ACTN3: variants seen among roughly 807,000 people sequenced by gnomAD.
The protein encoded by ACTN3 is alpha-actinin-3.
ACTN3 carries 91 observed loss-of-function variants against 119.6 expected under a neutral mutation model. The observed-to-expected ratio is 0.76, with a 90% CI of 0.64 to 0.91. The LOEUF is 0.91. Among genes scored for constraint, ACTN3 ranks in the 40% least tolerant of loss-of-function variants. The probability of loss-of-function intolerance (pLI) is 0.00; values close to 1 mark genes in which losing one functional copy is unlikely to be tolerated. For synonymous variants in ACTN3, 456 were observed against 478.8 expected, an observed-to-expected ratio of 0.95 and a Z score of 0.62; for missense variants, 1,221 against 1,215.1, an observed-to-expected ratio of 1.00 and a Z score of -0.07.
At chr11:66,548,577 C>A (rs1260208988) in intron 1 of ACTN3, among the ~76,000 whole-genome samples, 1 of 152,176 alleles carries the variant, frequency 6.6e-6, no homozygotes, top group Non-Finnish European at 1.5e-5. Context: ...ACATTTGGCT[C>A]ATTTCTTTCT....
chr11:66,549,546 A>G (rs961095393), intron 1 of ACTN3, among the ~76,000 whole-genome samples: 11 of 152,052 alleles, frequency 7.2e-5, no homozygotes, highest in African/African-American at 2.2e-4. Flanking sequence ...AGCCTGACCA[A>G]TATGGAGAAA....
At chr11:66,546,716 T>C (rs1266854586), upstream of ACTN3, 2 of 1,534,832 alleles carry the variant, frequency 1.3e-6, no homozygotes, top group African/African-American at 2.7e-5. Context: ...AAACCCAGGA[T>C]CTCCGCCGCG....
chr11:66,552,876 TCTCTCACACACACA>T lies in ACTN3; in HGVS notation c.383-1167_383-1154del, dbSNP rs749794950. On this transcript the variant is annotated intron_variant, in intron 3 of 20. Coordinates refer to ENST00000513398, the MANE Select transcript of ACTN3 (RefSeq NM_001104.4). ...GTCTCTCTCTCTCTCTCTCTCTCTC[TCTCTCACACACACA>T]CACACACACACACACACACACAAAG... is the stretch of plus-strand genomic sequence containing the variant. Among the ~76,000 whole-genome samples the T allele has an allele frequency of 2.8e-3, 202 of 71,848 alleles. 1 individual carries two copies. Among genetic ancestry groups the T allele is most frequent in the Admixed American group, 9.6e-3 (93 of 9,642 alleles). 47.1% of individuals were successfully genotyped at this position (71,848 alleles called of 152,430 possible). A position where few individuals can be genotyped will look rare whatever the true frequency, so the allele number is the denominator to read the frequency against.
intron 1 of ACTN3, among the ~76,000 whole-genome samples, chr11:66,549,549 T>C (rs1857429973): frequency 6.6e-6 from 1 of 151,900 alleles, no homozygotes; most frequent in East Asian, 1.9e-4. Flanking sequence ...CTGACCAATA[T>C]GGAGAAACCC....
At chr11:66,551,415 G>C in intron 2 of ACTN3, 62 bp downstream of exon 2, 1 of 1,566,484 alleles carries the variant, frequency 6.4e-7, no homozygotes, top group Non-Finnish European at 8.7e-7. Context: ...ACAGCAGGGG[G>C]AATAGGGTGG....
chr11:66,560,516 C>A, intron 14 of ACTN3, 57 bp from the exon 15 acceptor site: 1 of 1,559,312 alleles, frequency 6.4e-7, no homozygotes, highest in East Asian at 2.3e-5. Flanking sequence ...GCTGCCCTTT[C>A]TGTTGCCTGT....
chr11:66,557,357 T>A (rs1857613010), intron 9 of ACTN3, 132 bp downstream of exon 9: 1 of 820,658 alleles, frequency 1.2e-6, no homozygotes, highest in Middle Eastern at 3.6e-4. Flanking sequence ...AGCCTCCTCC[T>A]GTCCATCCCC....
intron 8 of ACTN3, 64 bp downstream of exon 8, chr11:66,556,294 C>T: frequency 6.5e-7 from 1 of 1,533,924 alleles, no homozygotes; most frequent in Non-Finnish European, 8.9e-7. Flanking sequence ...TGGCTGTAGT[C>T]CAACATTGGA....
At chr11:66,553,918 T>C in intron 3 of ACTN3, 127 bp from the exon 4 acceptor site, 1 of 584,690 alleles carries the variant, frequency 1.7e-6, no homozygotes, top group Non-Finnish European at 3.0e-6. Context: ...GGTGCTCACC[T>C]ACTAGGTGCC....
intron 6 of ACTN3, 35 bp from the exon 7 acceptor site, chr11:66,555,251 C>T: frequency 6.2e-7 from 1 of 1,613,976 alleles, no homozygotes; most frequent in Non-Finnish European, 8.5e-7. Context: ...CTGCCTGCAG[C>T]TGACCTTTCA....
Position 66,557,873 on chromosome 11 carries a change from A to G in ACTN3, c.1072A>G (p.Lys358Glu). 6.2e-7 allele frequency: 1 copy of G among 1,614,070 alleles called. No individual in the cohort carries two copies. The highest frequency in any genetic ancestry group is 8.5e-7 in the Non-Finnish European group (1 of 1,180,010). ...LEINFNTLQT[K>E]LRLSHRPAFM... ...GATCAACTTCAACACACTGCAGACC[A>G]AGTTGCGGCTCAGCCACCGGCCTGC... is the stretch of plus-strand genomic sequence containing the variant. The change falls in exon 10 of 21, where the codon AAG becomes GAG. Residue 358 changes from lysine (K) to glutamate (E), a missense_variant. Around this residue, in one of 3 missense-constraint regions of ACTN3, gnomAD observed 934 missense variants for 899.9 expected, o/e 1.04. Coordinates refer to ENST00000513398, the MANE Select transcript of ACTN3 (RefSeq NM_001104.4).
intron 3 of ACTN3, among the ~76,000 whole-genome samples, chr11:66,553,841 G>A (rs1436403961): frequency 3.0e-5 from 4 of 134,768 alleles, no homozygotes; most frequent in African/African-American, 8.4e-5. Context: ...GTGACAGAGC[G>A]AGACTCCATC....
rs199741304 is a variant in ACTN3 at position 66,558,048 on chromosome 11, G to T, written c.1150G>T (p.Gly384Trp). The T allele has an allele frequency of 1.2e-5, 20 of 1,613,770 alleles. No individual in the cohort carries two copies. Among genetic ancestry groups the T allele is most frequent in the Middle Eastern group, 1.6e-4 (1 of 6,084 alleles). Residue 384 changes from glycine to tryptophan, a missense_variant, in exon 11 of 21, where the codon GGG becomes TGG. Transcript: ENST00000513398. Reference protein sequence around the residue: ...LVSDIANAWRGLEQVEKGYED... With the variant: ...LVSDIANAWRWLEQVEKGYED... Reference sequence around the variant, plus strand: ...ACAGGACATCGCCAACGCCTGGCGGGGGCTGGAGCAGGTGGAAAAGGGCTA... The same window carrying T: ...ACAGGACATCGCCAACGCCTGGCGGTGGCTGGAGCAGGTGGAAAAGGGCTA...
chr11:66,546,836 T>A, upstream of ACTN3: 3 of 1,516,826 alleles, frequency 2.0e-6, no homozygotes, highest in Non-Finnish European at 2.6e-6. Flanking sequence ...TCCTCCCCCA[T>A]ATTTAGTGCG....
chr11:66,560,663 C>T lies in ACTN3; in HGVS notation c.1768C>T (p.Gln590Ter). ...GAIMGIQGEI[Q>*]KICQTYGLRP... ...CATCATGGGCATCCAGGGTGAGATC[C>T]AGAAGATCTGCCAGACGTATGGGCT... Residue 590 changes from glutamine (Q) to a stop codon, truncating the protein, a stop_gained, in exon 15 of 21, where the codon CAG becomes TAG. Transcript: ENST00000513398. LOFTEE classifies it high-confidence loss of function. The T allele has an allele frequency of 6.2e-7, 1 of 1,613,908 alleles. No individual in the cohort carries two copies. The highest frequency in any genetic ancestry group is 8.5e-7 in the Non-Finnish European group (1 of 1,179,884).
At chr11:66,553,267 G>A (rs931745127) in intron 3 of ACTN3, among the ~76,000 whole-genome samples, 1 of 150,592 alleles carries the variant, frequency 6.6e-6, no homozygotes, top group Non-Finnish European at 1.5e-5. Flanking sequence ...CCAAAAAATA[G>A]ATGCAGCTGG....
In ACTN3 at chr11:66,556,220, G is replaced by A. The variant is rs1384786701; in HGVS notation, c.794G>A (p.Gly265Glu). ...YVSCFYHAFA[G>E]AEQAETAANR... ...TCCTGCTTCTACCATGCCTTTGCCG[G>A]GGCTGAGCAGGTAAGGCGGCCCAAC... Residue 265 changes from glycine to glutamate, a missense_variant, in exon 8 of 21, where the codon GGG (glycine) becomes GAG (glutamate). Gly to Glu is a moderately conservative substitution (Grantham distance 98). Around this residue, in one of 3 missense-constraint regions of ACTN3, gnomAD observed 934 missense variants for 899.9 expected, o/e 1.04. Transcript: ENST00000513398. 6.2e-7 allele frequency: 1 copy of A among 1,613,756 alleles called. No individual in the cohort carries two copies. Among genetic ancestry groups the A allele is most frequent in the Non-Finnish European group, 8.5e-7 (1 of 1,179,858 alleles).
At chr11:66,562,999 C>T (rs575436853) in intron 20 of ACTN3, 36 bp from the exon 21 acceptor site, 35 of 1,607,150 alleles carry the variant, frequency 2.2e-5, no homozygotes, top group Middle Eastern at 3.3e-4. Context: ...GGGCAGGGCA[C>T]GGGACCTGTG....
intron 1 of ACTN3, among the ~76,000 whole-genome samples, chr11:66,548,530 G>A (rs891531663): frequency 3.3e-5 from 5 of 152,190 alleles, no homozygotes; most frequent in African/African-American, 1.2e-4. Context: ...GCACAGCATA[G>A]AGGATCTGAA....
Sources: allele counts gnomAD v4.1 joint callset (sites outside exome capture counted in the v4.1 genomes callset), GRCh38; gene constraint gnomAD v4.1.1; regional missense constraint gnomAD v4.1.1; transcripts MANE v1.5; gene names NCBI Gene and HGNC (gene_info 2026-07-23, HGNC 2026-07-21).